IL19: variants seen among roughly 807,000 people sequenced by gnomAD.
IL19 encodes interleukin 19, also known as interleukin-19.
A neutral mutation model predicts 19.5 loss-of-function variants in IL19; 15 were observed. The ratio of observed to expected loss-of-function variants is 0.77; its 90% CI spans 0.52 to 1.19. The LOEUF (loss-of-function observed/expected upper bound fraction) is 1.19, where lower values mean the gene tolerates loss of function less well. Ranked by LOEUF, IL19 falls within the 50% of genes most tolerant of loss-of-function variation. IL19 has a pLI of 0.00. For synonymous variants in IL19, 78 were observed against 78.3 expected (o/e 1.00, Z 0.02); for missense variants, 199 against 213.1 (o/e 0.93, Z 0.41).
intron 1 of IL19, among the ~76,000 whole-genome samples, chr1:206,781,977 T>TTAGAA (rs1572545476): frequency 1.5e-5 from 1 of 67,180 alleles, no homozygotes; most frequent in Non-Finnish European, 3.1e-5. Context: ...ATATGTTATA[T>TTAGAA]ATACATATAT....
chr1:206,795,927 A>ATGTGTGTGTG (rs71570039), intron 1 of IL19, among the ~76,000 whole-genome samples: 49 of 133,624 alleles, frequency 3.7e-4, no homozygotes, highest in South Asian at 9.7e-4. Flanking sequence ...AAATATATAT[A>ATGTGTGTGTG]TGTGTGTGTG....
intron 2 of IL19, among the ~76,000 whole-genome samples, chr1:206,815,647 C>G (rs1054298881): frequency 2.0e-5 from 3 of 151,998 alleles, no homozygotes; most frequent in Admixed American, 2.0e-4. Flanking sequence ...TAGCATAATC[C>G]TATATGAAAC....
At chr1:206,804,401 G>T (rs1675792663) in intron 2 of IL19, among the ~76,000 whole-genome samples, 1 of 152,138 alleles carries the variant, frequency 6.6e-6, no homozygotes, top group Non-Finnish European at 1.5e-5. Context: ...ATTTTTATCT[G>T]TTTCTGGCAC....
chr1:206,834,010 G>GATTGAGAGT (rs1486036581), intron 2 of IL19: 2 of 985,316 alleles, frequency 2.0e-6, no homozygotes, highest in Admixed American at 1.2e-4. Context: ...TTTGTGAGTT[G>GATTGAGAGT]GCCTGCAGGG....
chr1:206,829,933 T>G (rs1676545235), intron 2 of IL19, among the ~76,000 whole-genome samples: 1 of 152,186 alleles, frequency 6.6e-6, no homozygotes, highest in African/African-American at 2.4e-5. Context: ...CCAATGTGGA[T>G]TTGTGCTTCC....
At chr1:206,840,552 C>T (rs761568425) in intron 5 of IL19, 7 of 205,518 alleles carry the variant, frequency 3.4e-5, no homozygotes, top group South Asian at 2.7e-4. Context: ...CTCTGTGCCT[C>T]GGATTCTAAA....
chr1:206,829,540 C>T (rs948507504), intron 2 of IL19, among the ~76,000 whole-genome samples: 8 of 152,026 alleles, frequency 5.3e-5, no homozygotes, highest in Admixed American at 2.6e-4. Flanking sequence ...AGAGATGAGG[C>T]GGAAAATGTA....
At chr1:206,840,303 A>AC (rs2102492136) in intron 5 of IL19, 3 of 498,786 alleles carry the variant, frequency 6.0e-6, no homozygotes, top group East Asian at 8.7e-5. Context: ...CTGTAAGCAT[A>AC]CCCCTGGTTT....
chr1:206,824,602 T>G (rs1676383139), intron 2 of IL19, among the ~76,000 whole-genome samples: 1 of 152,172 alleles, frequency 6.6e-6, no homozygotes, highest in Admixed American at 6.5e-5. Context: ...TAAGGGAAGA[T>G]AGACTGACCT....
intron 2 of IL19, among the ~76,000 whole-genome samples, chr1:206,828,717 C>G (rs1293084548): frequency 6.6e-6 from 1 of 151,550 alleles, no homozygotes; most frequent in Non-Finnish European, 1.5e-5. Flanking sequence ...ATTTTTTTTT[C>G]TGGATTTTGT....
chr1:206,813,935 T>G (rs1676081394), intron 2 of IL19, among the ~76,000 whole-genome samples: 1 of 152,148 alleles, frequency 6.6e-6, no homozygotes, highest in South Asian at 2.1e-4. Flanking sequence ...GACTGCAAAT[T>G]AGCTCTTGCG....
chr1:206,834,219 A>T, intron 2 of IL19: 1 of 985,222 alleles, frequency 1.0e-6, no homozygotes, highest in Non-Finnish European at 1.2e-6. Flanking sequence ...GAAAGAAAAC[A>T]ATTAAGGAAA....
At chr1:206,803,011 T>C (rs1675757235) in intron 2 of IL19, among the ~76,000 whole-genome samples, 1 of 152,228 alleles carries the variant, frequency 6.6e-6, no homozygotes, top group African/African-American at 2.4e-5. Flanking sequence ...ATCCCTTTTT[T>C]CCTTTGAGGT....
chr1:206,836,417 C>T (rs567087379), intron 2 of IL19, among the ~76,000 whole-genome samples: 3 of 135,030 alleles, frequency 2.2e-5, no homozygotes, highest in African/African-American at 8.2e-5. Context: ...AGTGGTGTAT[C>T]GTGTTTTCTG....
At chr1:206,823,550 T>C (rs1676348661) in intron 2 of IL19, among the ~76,000 whole-genome samples, 1 of 138,166 alleles carries the variant, frequency 7.2e-6, no homozygotes, top group South Asian at 2.2e-4. Flanking sequence ...AGACTCCGTC[T>C]AAAAAAAAAA....
chr1:206,836,887 A>C, intron 3 of IL19, 71 bp from the exon 4 acceptor site: 1 of 1,604,922 alleles, frequency 6.2e-7, no homozygotes, highest in Non-Finnish European at 8.5e-7. Context: ...GTTCCTTCTC[A>C]TTGCCTTTTG....
intron 1 of IL19, chr1:206,772,180 G>T: frequency 9.0e-7 from 1 of 1,110,534 alleles, no homozygotes. Context: ...TGGAGGTGGA[G>T]GCGCAGGAGG....
chr1:206,813,734 C>T (rs1219507855), intron 2 of IL19, among the ~76,000 whole-genome samples: 1 of 152,068 alleles, frequency 6.6e-6, no homozygotes, highest in East Asian at 1.9e-4. Flanking sequence ...ATCAGTTTGG[C>T]TTGGCTGTAG....
intron 2 of IL19, among the ~76,000 whole-genome samples, chr1:206,820,778 T>A (rs2102474055): frequency 6.6e-6 from 1 of 152,316 alleles, no homozygotes; most frequent in Non-Finnish European, 1.5e-5. Flanking sequence ...GAGAGTCTTG[T>A]CAGCTTTTCT....
Sources: allele counts gnomAD v4.1 joint callset (sites outside exome capture counted in the v4.1 genomes callset), GRCh38; gene constraint gnomAD v4.1.1; transcripts MANE v1.5; gene names NCBI Gene and HGNC (gene_info 2026-07-23, HGNC 2026-07-21).